The following ANKRD11 variants were observed in gnomAD, a reference collection of about 807,000 sequenced individuals.
The protein encoded by ANKRD11 is ankyrin repeat domain 11.
A neutral mutation model predicts 195.7 loss-of-function variants in ANKRD11; 17 were observed. That is an observed-to-expected ratio of 0.09 (90% CI 0.06 to 0.13). The LOEUF (loss-of-function observed/expected upper bound fraction) is 0.13. ANKRD11 is among the 10% of genes least tolerant of loss of function. ANKRD11 has a pLI of 1.00. For missense variants in ANKRD11, 3,735 were observed against 3,566.1 expected (o/e 1.05, Z -1.21); for synonymous variants, 1,953 against 1,528.1 (o/e 1.28, Z -6.49).
At chr16:89,406,685 G>GAGGA (rs1567760624) in intron 2 of ANKRD11, among the ~76,000 whole-genome samples, 1 of 152,186 alleles carries the variant, frequency 6.6e-6, no homozygotes, top group East Asian at 1.9e-4. Flanking sequence ...CATCTGCCTG[G>GAGGA]AGGAAGGAAG....
At chr16:89,300,400 G>T in intron 4 of ANKRD11, 1 of 185,964 alleles carries the variant, frequency 5.4e-6, no homozygotes, top group Non-Finnish European at 1.1e-5. Flanking sequence ...CAGTGCACAT[G>T]CCCTTCCTGG....
At chr16:89,326,930 C>T (rs1357112078) in intron 2 of ANKRD11, among the ~76,000 whole-genome samples, 1 of 152,056 alleles carries the variant, frequency 6.6e-6, no homozygotes, top group Non-Finnish European at 1.5e-5. Flanking sequence ...CACAGACACA[C>T]GACCAGGCGG....
At chr16:89,342,738 CATTAAA>C (rs1477370950) in intron 2 of ANKRD11, among the ~76,000 whole-genome samples, 2 of 152,168 alleles carry the variant, frequency 1.3e-5, no homozygotes, top group Non-Finnish European at 2.9e-5. Context: ...CTATAGTCCT[CATTAAA>C]ATTAAATACT....
At chr16:89,295,822 G>C (rs2035383814) in intron 4 of ANKRD11, among the ~76,000 whole-genome samples, 1 of 138,858 alleles carries the variant, frequency 7.2e-6, no homozygotes, top group Non-Finnish European at 1.6e-5. Context: ...TGTGCAGGTG[G>C]GATCGGAGGG....
intron 1 of ANKRD11, among the ~76,000 whole-genome samples, chr16:89,479,338 T>TA (rs2057363206): frequency 6.6e-6 from 1 of 151,488 alleles, no homozygotes; most frequent in South Asian, 2.1e-4. Flanking sequence ...TGACCTGATA[T>TA]AAAAAATATC....
At chr16:89,306,502 G>A (rs1220759843) in intron 3 of ANKRD11, among the ~76,000 whole-genome samples, 5 of 31,220 alleles carry the variant, frequency 1.6e-4, no homozygotes, top group African/African-American at 1.3e-4. Context: ...CTCCCACTCC[G>A]CAGACACGCG....
intron 2 of ANKRD11, among the ~76,000 whole-genome samples, chr16:89,361,924 A>G (rs1014890677): frequency 3.9e-5 from 6 of 152,206 alleles, no homozygotes; most frequent in African/African-American, 1.4e-4. Flanking sequence ...CGGGGCAGCA[A>G]TGGGGTATGA....
At chr16:89,398,483 C>G (rs1368993742) in intron 2 of ANKRD11, among the ~76,000 whole-genome samples, 3 of 152,022 alleles carry the variant, frequency 2.0e-5, no homozygotes, top group Admixed American at 6.5e-5. Context: ...CTCTGGAAGG[C>G]TGACATGAGG....
At chr16:89,354,802 G>A (rs899343024) in intron 2 of ANKRD11, among the ~76,000 whole-genome samples, 4 of 152,096 alleles carry the variant, frequency 2.6e-5, no homozygotes, top group East Asian at 3.9e-4. Flanking sequence ...AGGAGAAATC[G>A]CTTGAACCCA....
intron 1 of ANKRD11, among the ~76,000 whole-genome samples, chr16:89,479,698 A>T (rs567926028): frequency 1.3e-5 from 2 of 151,856 alleles, no homozygotes; most frequent in South Asian, 4.2e-4. Flanking sequence ...TAATCCCAGC[A>T]CTTTGGGAGG....
intron 2 of ANKRD11, among the ~76,000 whole-genome samples, chr16:89,353,821 C>T (rs1320704146): frequency 6.6e-6 from 1 of 152,170 alleles, no homozygotes; most frequent in African/African-American, 2.4e-5. Context: ...TCATGATCAA[C>T]AGCCACTATG....
At chr16:89,462,871 A>G (rs1465408290) in intron 1 of ANKRD11, among the ~76,000 whole-genome samples, 2 of 150,664 alleles carry the variant, frequency 1.3e-5, no homozygotes, top group African/African-American at 4.9e-5. Context: ...GTCTCCGCCC[A>G]GCAGCCGCCC....
Position 89,280,602 on chromosome 16 carries a change from C to G in ANKRD11, c.5940G>C (p.Leu1980=), listed in dbSNP as rs769888687. The G allele has an allele frequency of 3.1e-6, 5 of 1,613,502 alleles. No individual in the cohort carries two copies. The South Asian group carries it at 5.5e-5, about 18-fold the overall frequency. ...PVSWPVGSDL[L]LKSPQRFPES... is the part of the protein sequence containing the mutation. Reference sequence around the variant, plus strand: ...CGGGGAATCTCTGTGGAGACTTCAGCAGGAGGTCCGAGCCCACAGGCCAGC... The same window carrying G: ...CGGGGAATCTCTGTGGAGACTTCAGGAGGAGGTCCGAGCCCACAGGCCAGC... The change falls in exon 9 of 13, where the codon CTG becomes CTC. Residue 1980 remains leucine, a synonymous_variant. Transcript: ENST00000301030.
chr16:89,376,095 C>T (rs2040412626), intron 2 of ANKRD11, among the ~76,000 whole-genome samples: 1 of 152,122 alleles, frequency 6.6e-6, no homozygotes, highest in South Asian at 2.1e-4. Flanking sequence ...TGTGAAATAC[C>T]TTTTTATCTC....
chr16:89,270,601 G>A (rs563116772), intron 12 of ANKRD11: 305 of 600,658 alleles, frequency 5.1e-4, no homozygotes, highest in Middle Eastern at 1.3e-3. Flanking sequence ...CCTGCACACC[G>A]GGACAGAAGG....
intron 7 of ANKRD11, chr16:89,287,354 A>G: frequency 6.8e-6 from 2 of 292,020 alleles, no homozygotes; most frequent in Non-Finnish European, 6.8e-6. Context: ...TCCCCATGTG[A>G]GGCACTCACA....
In ANKRD11 at chr16:89,285,013, T is replaced by C. The variant is rs756247655; in HGVS notation, c.1529A>G (p.Lys510Arg). The C allele has an allele frequency of 6.2e-6, 10 of 1,613,906 alleles. No homozygotes were observed. Among genetic ancestry groups the C allele is most frequent in the Admixed American group, 3.3e-5 (2 of 60,002 alleles). ...GAGGGAGCTGAACAGGGAGGGGTCC[T>C]TCAGCACCAGCGGGGACCCCTTGAG... ...GCLKGSPLVL[K>R]DPSLFSSLSA... Residue 510 changes from lysine to arginine, a missense_variant, in exon 9 of 13, where the codon AAG becomes AGG. Coordinates refer to ENST00000301030, the MANE Select transcript of ANKRD11 (RefSeq NM_013275.6). This position sits in a 1 kb window ranked among gnomAD's most constrained non-coding sequence, Gnocchi z 5.6.
intron 1 of ANKRD11, among the ~76,000 whole-genome samples, chr16:89,462,104 T>C (rs1178837246): frequency 1.6e-5 from 2 of 122,312 alleles, no homozygotes; most frequent in African/African-American, 3.0e-5. Context: ...TCTCCCTCTC[T>C]TTCCACGGTC....
At chr16:89,346,744 GGGAAAT>G (rs2038959200) in intron 2 of ANKRD11, among the ~76,000 whole-genome samples, 1 of 152,176 alleles carries the variant, frequency 6.6e-6, no homozygotes, top group African/African-American at 2.4e-5. Context: ...GGTTGTTAGA[GGGAAAT>G]GTATTTATAT....
Sources: allele counts gnomAD v4.1 joint callset (sites outside exome capture counted in the v4.1 genomes callset), GRCh38; gene constraint gnomAD v4.1.1; non-coding constraint Gnocchi (gnomAD v3.1); transcripts MANE v1.5; gene names NCBI Gene and HGNC (gene_info 2026-07-23, HGNC 2026-07-21).